The following PDXDC1 variants were observed in gnomAD, a reference collection of about 807,000 sequenced individuals.
PDXDC1 encodes the protein pyridoxal dependent decarboxylase domain containing 1.
Under a neutral mutation model 100.1 loss-of-function variants are expected in PDXDC1, and 42 were observed. That is an observed-to-expected ratio of 0.42 (90% CI 0.33 to 0.54). The LOEUF (loss-of-function observed/expected upper bound fraction) is 0.54. Ranked by LOEUF, PDXDC1 falls within the 20% of genes least tolerant of loss-of-function variation. The pLI, the probability that PDXDC1 is intolerant of heterozygous loss-of-function variation, is 0.10. For missense variants in PDXDC1, 636 were observed against 979.2 expected, an observed-to-expected ratio of 0.65 and a Z score of 4.68; for synonymous variants, 260 against 371.7, an observed-to-expected ratio of 0.70 and a Z score of 3.46.
At chr16:15,032,166 C>A in intron 17 of PDXDC1, 1 of 536,656 alleles carries the variant, frequency 1.9e-6, no homozygotes, top group Non-Finnish European at 3.4e-6. Context: ...AAGATGCCAA[C>A]AGGTATATAT....
chr16:15,108,122 C>A (rs1430813164), intron 16 of PDXDC1: 19 of 863,018 alleles, frequency 2.2e-5, no homozygotes, highest in Non-Finnish European at 2.6e-5. Flanking sequence ...TAGGTGACAA[C>A]TGCAAACCAT....
intron 16 of PDXDC1, among the ~76,000 whole-genome samples, chr16:15,111,357 G>A (rs2047051087): frequency 6.8e-6 from 1 of 147,246 alleles, no homozygotes; most frequent in Admixed American, 6.8e-5. Context: ...TCGGGAGGCT[G>A]AGGCAGGAGA....
At chr16:14,990,690 ACCCACCCACTC>A (rs1448963178) in intron 1 of PDXDC1, among the ~76,000 whole-genome samples, 30 of 152,258 alleles carry the variant, frequency 2.0e-4, no homozygotes, top group Non-Finnish European at 3.4e-4. Flanking sequence ...TGCTTTTCCT[ACCCACCCACTC>A]CCCCCTGGGC....
intron 16 of PDXDC1, among the ~76,000 whole-genome samples, chr16:15,065,637 T>C (rs992890598): frequency 3.3e-5 from 5 of 152,346 alleles, no homozygotes; most frequent in South Asian, 4.1e-4. Flanking sequence ...GAGTAATAGA[T>C]ATTATTCATT....
At chr16:15,102,021 T>C (rs1483683437) in intron 16 of PDXDC1, among the ~76,000 whole-genome samples, 1 of 152,074 alleles carries the variant, frequency 6.6e-6, no homozygotes, top group Non-Finnish European at 1.5e-5. Context: ...GCTAATTTTG[T>C]ATTTTTGGTA....
At chr16:15,112,503 GCCA>G (rs1160676894) in intron 16 of PDXDC1, among the ~76,000 whole-genome samples, 2 of 147,660 alleles carry the variant, frequency 1.4e-5, no homozygotes, top group Admixed American at 1.4e-4. Context: ...ACAGGCATGA[GCCA>G]CCACACCTGG....
chr16:15,063,564 C>T (rs1247306266), intron 16 of PDXDC1, among the ~76,000 whole-genome samples: 5 of 151,770 alleles, frequency 3.3e-5, no homozygotes, highest in East Asian at 3.9e-4. Flanking sequence ...AAAAATTAGC[C>T]GGGTGTGGTG....
intron 16 of PDXDC1, among the ~76,000 whole-genome samples, chr16:15,082,719 G>A (rs984633675): frequency 6.6e-5 from 10 of 151,260 alleles, no homozygotes; most frequent in African/African-American, 2.2e-4. Flanking sequence ...AACATCAGTC[G>A]CACTTGGTCA....
chr16:14,979,009 G>A (rs377367775), intron 1 of PDXDC1, among the ~76,000 whole-genome samples: 200 of 152,368 alleles, frequency 1.3e-3, no homozygotes, highest in Non-Finnish European at 2.3e-3. Context: ...TCAAGATGGG[G>A]GCAGTTGTCC....
intron 16 of PDXDC1, among the ~76,000 whole-genome samples, chr16:15,056,311 G>A (rs1418885159): frequency 2.6e-5 from 4 of 152,342 alleles, no homozygotes; most frequent in Admixed American, 6.5e-5. Flanking sequence ...AGCTGCCAGG[G>A]AGCAGCTGCA....
chr16:15,085,587 G>C, intron 16 of PDXDC1: 2 of 1,595,124 alleles, frequency 1.3e-6, no homozygotes, highest in East Asian at 2.2e-5. Context: ...CAAAGTGCTG[G>C]GATTATGGGT....
intron 16 of PDXDC1, among the ~76,000 whole-genome samples, chr16:15,063,446 C>G (rs1267524533): frequency 6.6e-6 from 1 of 152,108 alleles, no homozygotes; most frequent in African/African-American, 2.4e-5. Context: ...CAGTGGCTCA[C>G]GCCTGTAATC....
chr16:15,059,762 T>A (rs1471974461), intron 16 of PDXDC1, among the ~76,000 whole-genome samples: 1 of 152,204 alleles, frequency 6.6e-6, no homozygotes, highest in African/African-American at 2.4e-5. Context: ...CTTCAAAGCA[T>A]GTAACTTTTT....
intron 12 of PDXDC1, among the ~76,000 whole-genome samples, chr16:15,021,247 C>G (rs1469962906): frequency 1.3e-5 from 2 of 152,186 alleles, no homozygotes. Flanking sequence ...TGTAGTGGCA[C>G]ACACCTGTGA....
At chr16:15,056,277 G>A (rs994414997) in intron 16 of PDXDC1, among the ~76,000 whole-genome samples, 4 of 152,262 alleles carry the variant, frequency 2.6e-5, no homozygotes, top group Non-Finnish European at 5.9e-5. Context: ...CAAAAGCGTG[G>A]GAGTGAAGGA....
chr16:15,061,541 A>G, intron 16 of PDXDC1: 1 of 457,404 alleles, frequency 2.2e-6, no homozygotes. Flanking sequence ...GATAGTCTTC[A>G]TTTTGTCTGT....
the PDXDC1 span, among the ~76,000 whole-genome samples, chr16:15,149,386 G>A: frequency 6.6e-6 from 1 of 152,204 alleles, no homozygotes; most frequent in Non-Finnish European, 1.5e-5. Context: ...GCTCATGGAG[G>A]CCTTGGTGAC....
intron 16 of PDXDC1, among the ~76,000 whole-genome samples, chr16:15,090,799 G>A (rs2046098596): frequency 6.6e-6 from 1 of 151,786 alleles, no homozygotes; most frequent in Admixed American, 6.6e-5. Context: ...AGGAAGAATG[G>A]TGAAACAAAA....
intron 16 of PDXDC1, among the ~76,000 whole-genome samples, chr16:15,078,654 C>G (rs2045564958): frequency 6.6e-6 from 1 of 152,022 alleles, no homozygotes; most frequent in Non-Finnish European, 1.5e-5. Context: ...CACCCTTCTC[C>G]TCCCCTGTCC....
Sources: gnomAD v4.1 joint callset for allele counts (sites outside exome capture counted in the v4.1 genomes callset) on GRCh38, gnomAD v4.1.1 for gene constraint, MANE v1.5 for transcripts, NCBI Gene and HGNC (gene_info 2026-07-23, HGNC 2026-07-21) for gene names.